The following CSRP2 variants were observed in gnomAD, a reference collection of about 807,000 sequenced individuals.
CSRP2 encodes the protein cysteine and glycine rich protein 2.
CSRP2 carries 18 observed loss-of-function variants against 24.6 expected under a neutral mutation model. That is an observed-to-expected ratio of 0.73 (90% CI 0.51 to 1.09). CSRP2 has a LOEUF of 1.09. Ranked by LOEUF, CSRP2 falls within the 50% of genes least tolerant of loss-of-function variation. The pLI is 0.00. For missense variants in CSRP2, 215 were observed against 239.4 expected, an observed-to-expected ratio of 0.90 and a Z score of 0.67; for synonymous variants, 87 against 84.3, an observed-to-expected ratio of 1.03 and a Z score of -0.18.
At chr12:76,872,856 C>T (rs139125496) in intron 1 of CSRP2, among the ~76,000 whole-genome samples, 30 of 152,294 alleles carry the variant, frequency 2.0e-4, no homozygotes, top group African/African-American at 5.8e-4. Context: ...CTTAAAACCA[C>T]TCCACGTGTG....
chr12:76,865,184 A>G (rs560991940), intron 2 of CSRP2, among the ~76,000 whole-genome samples: 2 of 152,366 alleles, frequency 1.3e-5, no homozygotes, highest in African/African-American at 4.8e-5. Context: ...ACTATGGTGT[A>G]GACATTGTGG....
intron 4 of CSRP2, among the ~76,000 whole-genome samples, 187 bp downstream of exon 4, chr12:76,860,097 A>G (rs1953660229): frequency 6.6e-6 from 1 of 152,246 alleles, no homozygotes; most frequent in Non-Finnish European, 1.5e-5. Context: ...AAACAGAAAA[A>G]TGACTTGTCA....
At chr12:76,877,390 C>A (rs571708763) in intron 1 of CSRP2, among the ~76,000 whole-genome samples, 8 of 152,288 alleles carry the variant, frequency 5.3e-5, no homozygotes, top group African/African-American at 1.9e-4. Context: ...TAAATACATT[C>A]GGAGAAATGC....
chr12:76,872,433 AG>A (rs1953808896), intron 1 of CSRP2, among the ~76,000 whole-genome samples: 1 of 152,170 alleles, frequency 6.6e-6, no homozygotes. Context: ...TCTCTGGAAA[AG>A]TTTCTTGTAA....
chr12:76,870,320 C>T (rs183692693), intron 1 of CSRP2, among the ~76,000 whole-genome samples: 7 of 152,320 alleles, frequency 4.6e-5, no homozygotes, highest in Admixed American at 4.6e-4. Context: ...TTATTCTCTT[C>T]CATACCATTG....
intron 2 of CSRP2, chr12:76,864,784 A>G (rs1289596769): frequency 6.6e-6 from 1 of 152,144 alleles, no homozygotes; most frequent in Non-Finnish European, 1.5e-5. Flanking sequence ...AATGGCATCT[A>G]CTCTGGAATC....
At chr12:76,868,344 C>T (rs1430961643) in intron 1 of CSRP2, among the ~76,000 whole-genome samples, 4 of 151,982 alleles carry the variant, frequency 2.6e-5, no homozygotes, top group Admixed American at 6.6e-5. Flanking sequence ...TGTTGTGGGA[C>T]GGACAGGGTG....
At chr12:76,868,949 A>G (rs1432896632) in intron 1 of CSRP2, among the ~76,000 whole-genome samples, 1 of 151,712 alleles carries the variant, frequency 6.6e-6, no homozygotes, top group African/African-American at 2.4e-5. Flanking sequence ...AAAAAAAAAA[A>G]AAAAAAGAAA....
chr12:76,861,147 G>C (rs1325024961), intron 3 of CSRP2: 9 of 151,530 alleles, frequency 5.9e-5, no homozygotes, highest in African/African-American at 2.2e-4. Context: ...AACATTCTCG[G>C]GCTTTGAGAA....
chr12:76,866,306 A>G (rs1434932864), intron 1 of CSRP2, 45 bp from the exon 2 acceptor site: 6 of 1,506,614 alleles, frequency 4.0e-6, no homozygotes, highest in Non-Finnish European at 5.5e-6. Context: ...TGCTGGTCGT[A>G]CGGCTCCCTA....
chr12:76,862,580 A>G (rs1250772273), intron 3 of CSRP2: 9 of 460,886 alleles, frequency 2.0e-5, no homozygotes, highest in Non-Finnish European at 3.0e-5. Flanking sequence ...AATTCTAAAC[A>G]AATAAGTTAT....
chr12:76,873,199 T>C (rs1403144410), intron 1 of CSRP2, among the ~76,000 whole-genome samples: 1 of 152,242 alleles, frequency 6.6e-6, no homozygotes, highest in Non-Finnish European at 1.5e-5. Flanking sequence ...AACCTGACTA[T>C]AATCCAATTT....
rs760033624 is a variant in CSRP2, at chr12:76,863,313, T to A, written c.144A>T (p.Thr48=). 1 of 1,614,102 alleles carries A rather than the reference T, an allele frequency of 6.2e-7. No homozygotes were observed. Among genetic ancestry groups the A allele is most frequent in the African/African-American group, 1.3e-5 (1 of 74,948 alleles). Residue 48 remains threonine (T), a synonymous_variant, in exon 3 of 6, where the codon ACA becomes ACT. Transcript: ENST00000311083. ...AGATCTCTTCATCGTGAATTGCCAC[T>A]GTTGTGCTATCTAAATTTTTCCTGC... is the stretch of plus-strand genomic sequence containing the variant. ...MVCRKNLDST[T]VAIHDEEIYC...
intron 2 of CSRP2, chr12:76,863,703 A>G (rs1164004666): frequency 5.7e-6 from 1 of 175,238 alleles, no homozygotes; most frequent in Non-Finnish European, 1.2e-5. Flanking sequence ...TAAGGGAGAA[A>G]AGTTTCAAAG....
At chr12:76,862,069 G>A (rs1260706145) in intron 3 of CSRP2, 1 of 152,192 alleles carries the variant, frequency 6.6e-6, no homozygotes, top group African/African-American at 2.4e-5. Flanking sequence ...TAGGACTGTT[G>A]TGAGGATTAC....
intron 1 of CSRP2, among the ~76,000 whole-genome samples, chr12:76,877,992 T>C (rs1195171138): frequency 1.8e-5 from 2 of 108,110 alleles, no homozygotes; most frequent in African/African-American, 7.3e-5. Flanking sequence ...AAAAATTCTG[T>C]ACCGAAAAGC....
At chr12:76,860,456 G>A (rs1404681967) in intron 3 of CSRP2, 43 bp from the exon 4 acceptor site, 1 of 1,606,616 alleles carries the variant, frequency 6.2e-7, no homozygotes, top group Admixed American at 1.7e-5. Flanking sequence ...AGTTTCCACA[G>A]GGCCCTTTTA....
chr12:76,878,557 G>A (rs951775011), intron 1 of CSRP2, among the ~76,000 whole-genome samples: 1 of 152,222 alleles, frequency 6.6e-6, no homozygotes, highest in Non-Finnish European at 1.5e-5. Flanking sequence ...GCCGCTGGAC[G>A]AGGGGACCGA....
intron 2 of CSRP2, chr12:76,864,835 G>C (rs182360261): frequency 2.1e-4 from 32 of 152,260 alleles, no homozygotes; most frequent in African/African-American, 7.5e-4. Flanking sequence ...TGTGCCTAAA[G>C]ATAACTATAT....
Sources: allele counts gnomAD v4.1 joint callset (sites outside exome capture counted in the v4.1 genomes callset), GRCh38; gene constraint gnomAD v4.1.1; transcripts MANE v1.5; gene names NCBI Gene and HGNC (gene_info 2026-07-23, HGNC 2026-07-21).